Variants in SLC9A2 observed in about 807,000 individuals in gnomAD.
The protein encoded by SLC9A2 is solute carrier family 9 member A2, also known as sodium/hydrogen exchanger 2.
SLC9A2 carries 42 observed loss-of-function variants against 71.7 expected under a neutral mutation model. The ratio of observed to expected loss-of-function variants is 0.59; its 90% confidence interval spans 0.46 to 0.76. SLC9A2 has a LOEUF of 0.76. SLC9A2 is among the 30% of genes least tolerant of loss of function. The pLI, the probability that SLC9A2 is intolerant of heterozygous loss-of-function variation, is 0.00. For synonymous variants in SLC9A2, 396 were observed against 392.5 expected (o/e 1.01, Z -0.10); for missense variants, 829 against 1,017.4 (o/e 0.81, Z 2.52).
Position 102,619,714 on chromosome 2 carries a change from C to T in SLC9A2, c.-135C>T. 1.4e-6 allele frequency: 1 copy of T among 726,758 alleles called. No homozygotes were observed. Among genetic ancestry groups the T allele is most frequent in the Non-Finnish European group, 2.0e-6 (1 of 494,880 alleles). 45.0% of individuals were successfully genotyped at this position (726,758 alleles called of 1,614,324 possible). On this transcript the variant is annotated 5_prime_UTR_variant, in exon 1 of 12. Transcript: ENST00000233969. The surrounding 1 kb of genome is among the most constrained non-coding windows in gnomAD (Gnocchi z 4.3). ...CCCTCTGGTTGCAGAGACCCGGTGCCGCAGCAGCGGCGGGTGGCTGTCGCT... is the reference window on the plus strand; with the variant it reads ...CCCTCTGGTTGCAGAGACCCGGTGCTGCAGCAGCGGCGGGTGGCTGTCGCT...
At position 102,619,887 on chromosome 2, in the gene SLC9A2, A is replaced by T. The variant is rs376555739; in HGVS notation, c.39A>T (p.Pro13=). The T allele has an allele frequency of 7.3e-5, 115 of 1,570,288 alleles. No individual in the cohort carries two copies. In the African/African-American group the frequency reaches 1.3e-3, roughly 18 times the overall value. The stretch of plus-strand genomic sequence containing the variant: ...GCAACTGGAGGAGCCTGCGGGCGCC[A>T]CTGCCTCCGATGCTGTTGCTGCTGC... The part of the protein sequence containing the change: ...PLGNWRSLRA[P]LPPMLLLLLL... Residue 13 remains proline (P), a synonymous_variant, in exon 1 of 12, where the codon CCA becomes CCT. Transcript: ENST00000233969. This position sits in a 1 kb window ranked among gnomAD's most constrained non-coding sequence, Gnocchi z 4.3.
intron 1 of SLC9A2, among the ~76,000 whole-genome samples, chr2:102,638,064 A>T (rs1676504338): frequency 6.6e-6 from 1 of 152,186 alleles, no homozygotes; most frequent in African/African-American, 2.4e-5. Flanking sequence ...GGACAGAAGA[A>T]TTTACATGTG....
At chr2:102,654,048 G>T (rs545075561) in intron 1 of SLC9A2, among the ~76,000 whole-genome samples, 1 of 152,152 alleles carries the variant, frequency 6.6e-6, no homozygotes, top group Non-Finnish European at 1.5e-5. Context: ...GGCAGAGAGC[G>T]GGAGGGCTGG....
rs563492247 is a variant in SLC9A2, at chr2:102,621,026, G to A, written c.289+889G>A. 1.7e-3 allele frequency among the ~76,000 whole-genome samples: 261 copies of A among 151,928 alleles called. 1 individual carries two copies. Among genetic ancestry groups the A allele is most frequent in the Middle Eastern group, 3.4e-3 (1 of 292 alleles). ...AAAAAAATTAGCCGGGCGTGGTGGT[G>A]GGCGCCTGTAATCCCAGCTACTCGG... is the stretch of plus-strand genomic sequence containing the variant. On this transcript the variant is annotated intron_variant, in intron 1 of 11. Transcript: ENST00000233969.
intron 1 of SLC9A2, among the ~76,000 whole-genome samples, chr2:102,629,221 T>C (rs1676310330): frequency 6.6e-6 from 1 of 152,180 alleles, no homozygotes; most frequent in African/African-American, 2.4e-5. Context: ...TGCTATGTTA[T>C]TACATACTCA....
At chr2:102,659,272 T>C (rs926697304) in intron 2 of SLC9A2, among the ~76,000 whole-genome samples, 23 of 66,252 alleles carry the variant, frequency 3.5e-4, no homozygotes, top group African/African-American at 1.4e-3. Context: ...CTACTAAAAA[T>C]ACAAAAAAAA....
intron 1 of SLC9A2, among the ~76,000 whole-genome samples, chr2:102,639,004 T>C (rs1676522317): frequency 1.3e-5 from 2 of 152,198 alleles, no homozygotes; most frequent in East Asian, 1.9e-4. Context: ...GTCAACATAG[T>C]GAGACCTTGT....
chr2:102,635,442 A>G (rs550442933), intron 1 of SLC9A2, among the ~76,000 whole-genome samples: 13 of 152,310 alleles, frequency 8.5e-5, no homozygotes, highest in Middle Eastern at 3.4e-3. Context: ...ATAAGAATAC[A>G]TGCACGCCTG....
intron 3 of SLC9A2, among the ~76,000 whole-genome samples, chr2:102,677,271 T>C (rs1558716995): frequency 7.3e-6 from 1 of 136,080 alleles, no homozygotes; most frequent in African/African-American, 3.3e-5. Flanking sequence ...GAAAGGAAAG[T>C]CTATTTCCAC....
chr2:102,640,568 C>G (rs1196153662), intron 1 of SLC9A2, among the ~76,000 whole-genome samples: 1 of 152,156 alleles, frequency 6.6e-6, no homozygotes, highest in African/African-American at 2.4e-5. Context: ...AGATGAGCAT[C>G]CAGGTGAAGA....
chr2:102,636,519 C>T (rs1000480978), intron 1 of SLC9A2, among the ~76,000 whole-genome samples: 1 of 152,096 alleles, frequency 6.6e-6, no homozygotes, highest in African/African-American at 2.4e-5. Context: ...GGAAAAGAAA[C>T]CAGAAAACAG....
At chr2:102,640,101 C>T (rs747835969) in intron 1 of SLC9A2, among the ~76,000 whole-genome samples, 1 of 152,224 alleles carries the variant, frequency 6.6e-6, no homozygotes, top group Non-Finnish European at 1.5e-5. Context: ...ACATCTGCTG[C>T]ATTTTCACTG....
At position 102,705,476 on chromosome 2, in the gene SLC9A2, A is replaced by T. The variant is rs1023894185; in HGVS notation, c.1978-370A>T. Among the ~76,000 whole-genome samples, 3 of 152,004 alleles carry T rather than the reference A, an allele frequency of 2.0e-5. No homozygotes were observed. In the East Asian group the frequency reaches 5.8e-4, roughly 29 times the overall value. ...TTAAGATATATTAAAGTGAAAAAAA[A>T]AACACCTTACATATATATATTGTAA... On this transcript the variant is annotated intron_variant, in intron 10 of 11. Coordinates refer to ENST00000233969, the MANE Select transcript of SLC9A2 (RefSeq NM_003048.6).
At position 102,683,488 on chromosome 2, in the gene SLC9A2, G is replaced by A. The variant is rs1573425869; in HGVS notation, c.1222+10G>A. The A allele has an allele frequency of 6.2e-7, 1 of 1,606,968 alleles. No individual in the cohort carries two copies. Among genetic ancestry groups the A allele is most frequent in the African/African-American group, 1.3e-5 (1 of 74,934 alleles). On this transcript the variant is annotated intron_variant, in intron 4 of 11. Transcript: ENST00000233969. ...ATGTGGCGAGCCCTGGGTAATGAGT[G>A]CTTGTTTGCTAACTGGACATATGTA...
intron 1 of SLC9A2, among the ~76,000 whole-genome samples, chr2:102,620,527 C>A (rs1573392034): frequency 6.6e-6 from 1 of 152,166 alleles, no homozygotes; most frequent in Admixed American, 6.5e-5. Flanking sequence ...GTGGTTAAAA[C>A]CCTGGATGCT....
intron 3 of SLC9A2, among the ~76,000 whole-genome samples, chr2:102,681,191 C>G (rs538232787): frequency 1.3e-5 from 2 of 152,274 alleles, no homozygotes; most frequent in East Asian, 1.9e-4. Flanking sequence ...CATCAGAGAT[C>G]GTAGGGCTCA....
chr2:102,632,137 TGTATATATAC>T (rs1676382623), intron 1 of SLC9A2, among the ~76,000 whole-genome samples: 2 of 108,702 alleles, frequency 1.8e-5, no homozygotes, highest in African/African-American at 8.2e-5. Context: ...TACATATATA[TGTATATATAC>T]ATATATACAC....
At chr2:102,636,273 C>T (rs939376542) in intron 1 of SLC9A2, among the ~76,000 whole-genome samples, 2 of 152,166 alleles carry the variant, frequency 1.3e-5, no homozygotes, top group East Asian at 3.8e-4. Flanking sequence ...TTCTAGCAAG[C>T]TTGGAAAATA....
Position 102,657,582 on chromosome 2 carries a change from A to G in SLC9A2, c.308A>G (p.Lys103Arg). The G allele has an allele frequency of 6.2e-7, 1 of 1,606,664 alleles. No homozygotes were observed. The highest frequency in any genetic ancestry group is 1.3e-5 in the African/African-American group (1 of 74,700). Residue 103 changes from lysine (K) to arginine (R), a missense_variant, in exon 2 of 12, where the codon AAG becomes AGG. Lys to Arg is a conservative substitution (Grantham distance 26). Around this residue, in one of 3 missense-constraint regions of SLC9A2, gnomAD observed 500 missense variants for 726.3 expected, o/e 0.69. Transcript: ENST00000233969. ...TTACCAGGCTTCCATCTGTATCACA[A>G]GTTGCCCACAATAGTGCCTGAGAGC... ...LAKIGFHLYH[K>R]LPTIVPESCL...
Sources: gnomAD v4.1 joint callset for allele counts (sites outside exome capture counted in the v4.1 genomes callset) on GRCh38, gnomAD v4.1.1 for gene constraint, gnomAD v4.1.1 regional missense constraint, Gnocchi (gnomAD v3.1) non-coding constraint, MANE v1.5 for transcripts, NCBI Gene and HGNC (gene_info 2026-07-23, HGNC 2026-07-21) for gene names.